MTRF1: variants seen among roughly 807,000 people sequenced by gnomAD.
MTRF1 encodes peptide chain release factor 1, mitochondrial.
MTRF1 carries 51 observed loss-of-function variants against 62.9 expected under a neutral mutation model. The ratio of observed to expected loss-of-function variants is 0.81; its 90% CI spans 0.65 to 1.02. MTRF1 has a LOEUF of 1.02. Ranked by LOEUF, MTRF1 falls within the 50% of genes least tolerant of loss-of-function variation. MTRF1 has a pLI of 0.00. For missense variants in MTRF1, 446 were observed against 530.0 expected (o/e 0.84, Z 1.56); for synonymous variants, 158 against 181.9 (o/e 0.87, Z 1.06).
chr13:41,289,593 C>T, the MTRF1 span, among the ~76,000 whole-genome samples: 3 of 152,196 alleles, frequency 2.0e-5, no homozygotes, highest in Non-Finnish European at 4.4e-5. Flanking sequence ...GGACCGAGAA[C>T]AAGCTCCAAA....
At chr13:41,276,440 G>A in the MTRF1 span, among the ~76,000 whole-genome samples, 1 of 152,124 alleles carries the variant, frequency 6.6e-6, no homozygotes, top group African/African-American at 2.4e-5. Context: ...CTAAAGTGCT[G>A]GGATTAGAGG....
chr13:41,229,927 T>G (rs1175168641), intron 7 of MTRF1, among the ~76,000 whole-genome samples: 1 of 151,962 alleles, frequency 6.6e-6, no homozygotes, highest in Non-Finnish European at 1.5e-5. Flanking sequence ...ATGGTGAAAC[T>G]ACGTCTCTAC....
chr13:41,260,635 T>C lies in MTRF1; in HGVS notation c.273A>G (p.Gln91=), dbSNP rs749429342. The stretch of plus-strand genomic sequence containing the variant: ...CATTCACAGGGATATGCTGCAGACA[T>C]TGCTCAAGTGTTTGGTACTCCTTAC... ...NLSKEYQTLE[Q]CLQHIPVNEE... The change falls in exon 2 of 10, where the codon CAA becomes CAG. Residue 91 remains glutamine (Q), a synonymous_variant. Coordinates refer to ENST00000379480, the MANE Select transcript of MTRF1 (RefSeq NM_004294.4). 1.2e-6 allele frequency: 2 copies of C among 1,614,072 alleles called. No homozygotes were observed. Among genetic ancestry groups the C allele is most frequent in the African/African-American group, 1.3e-5 (1 of 74,938 alleles).
intron 7 of MTRF1, among the ~76,000 whole-genome samples, chr13:41,227,557 G>T (rs766848285): frequency 6.6e-6 from 1 of 152,102 alleles, no homozygotes; most frequent in Admixed American, 6.6e-5. Context: ...GCTCTGAAAC[G>T]ATCACTTCTT....
the MTRF1 span, among the ~76,000 whole-genome samples, chr13:41,281,613 G>T: frequency 1.3e-5 from 2 of 152,098 alleles, no homozygotes; most frequent in Non-Finnish European, 2.9e-5. Flanking sequence ...GGCATTATGT[G>T]CCTGAGAGGG....
chr13:41,266,994 C>T (rs1263358156), upstream of MTRF1, among the ~76,000 whole-genome samples: 10 of 65,496 alleles, frequency 1.5e-4, no homozygotes, highest in Admixed American at 1.8e-3. Flanking sequence ...GAGACTCTGT[C>T]TCAAAAAAAA....
At chr13:41,253,296 A>C (rs1356122971) in intron 3 of MTRF1, among the ~76,000 whole-genome samples, 2 of 152,212 alleles carry the variant, frequency 1.3e-5, no homozygotes, top group African/African-American at 4.8e-5. Flanking sequence ...AGAAGTTCAG[A>C]TCAAAGTCCA....
chr13:41,249,787 T>C (rs1361427961), intron 5 of MTRF1, among the ~76,000 whole-genome samples: 1 of 151,632 alleles, frequency 6.6e-6, no homozygotes, highest in East Asian at 1.9e-4. Flanking sequence ...CTGCCACGCC[T>C]GGCCAATTTT....
chr13:41,255,585 G>A lies in MTRF1; in HGVS notation c.416-965C>T, dbSNP rs913054023. Among the ~76,000 whole-genome samples, 5 of 152,108 alleles carry A rather than the reference G, an allele frequency of 3.3e-5. No individual in the cohort carries two copies. In the East Asian group the frequency reaches 9.6e-4, roughly 29 times the overall value. On this transcript the variant is annotated intron_variant, in intron 2 of 9. Coordinates refer to ENST00000379480, the MANE Select transcript of MTRF1 (RefSeq NM_004294.4). ...TGCACGCGTGTACCCCTAGCTACTC[G>A]GGAGGCTGAGGCAGGAGAATTGCTT... is the stretch of plus-strand genomic sequence containing the variant.
At chr13:41,291,469 C>A in the MTRF1 span, among the ~76,000 whole-genome samples, 1 of 152,152 alleles carries the variant, frequency 6.6e-6, no homozygotes, top group Non-Finnish European at 1.5e-5. Flanking sequence ...AGCTGCCGCA[C>A]CTGGTCAGCC....
the MTRF1 span, among the ~76,000 whole-genome samples, chr13:41,292,390 C>T: frequency 6.6e-6 from 1 of 151,908 alleles, no homozygotes; most frequent in Non-Finnish European, 1.5e-5. Flanking sequence ...CGAGACCATC[C>T]TGGCTAATAC....
chr13:41,311,058 C>T, the MTRF1 span: 49 of 193,416 alleles, frequency 2.5e-4, no homozygotes, highest in African/African-American at 1.1e-3. Flanking sequence ...GGTGGTGACT[C>T]ACCACCCCAT....
At chr13:41,253,074 A>G (rs992802184) in intron 3 of MTRF1, 44 bp from the exon 4 acceptor site, 2 of 1,399,430 alleles carry the variant, frequency 1.4e-6, no homozygotes, top group East Asian at 4.6e-5. Flanking sequence ...TCCCCGGTAC[A>G]CTATTACTGA....
At chr13:41,293,198 A>C in the MTRF1 span, among the ~76,000 whole-genome samples, 1 of 152,250 alleles carries the variant, frequency 6.6e-6, no homozygotes, top group South Asian at 2.1e-4. Flanking sequence ...ACATATATAC[A>C]TGTATTATAT....
the MTRF1 span, among the ~76,000 whole-genome samples, chr13:41,268,823 A>T: frequency 6.6e-6 from 1 of 152,116 alleles, no homozygotes; most frequent in Non-Finnish European, 1.5e-5. Context: ...TTATTGTTCT[A>T]ATTATTTAGT....
chr13:41,293,108 T>C, the MTRF1 span, among the ~76,000 whole-genome samples: 1 of 152,184 alleles, frequency 6.6e-6, no homozygotes, highest in Non-Finnish European at 1.5e-5. Flanking sequence ...GAGTTTTTAT[T>C]ACTATCTCAT....
At chr13:41,299,198 G>C in the MTRF1 span, among the ~76,000 whole-genome samples, 1 of 138,508 alleles carries the variant, frequency 7.2e-6, no homozygotes, top group Non-Finnish European at 1.6e-5. Flanking sequence ...ATCTAAAAAA[G>C]AAAAAAAAAA....
At chr13:41,229,624 GT>G (rs1455087744) in intron 7 of MTRF1, 2 of 152,126 alleles carry the variant, frequency 1.3e-5, no homozygotes, top group Non-Finnish European at 2.9e-5. Context: ...GTTTGTCAGA[GT>G]TTTGATCACC....
intron 2 of MTRF1, among the ~76,000 whole-genome samples, chr13:41,259,721 A>AC (rs2040210604): frequency 6.7e-6 from 1 of 149,482 alleles, no homozygotes; most frequent in Non-Finnish European, 1.5e-5. Flanking sequence ...AAAAAAAAAA[A>AC]CATAAAAATA....
Sources: gnomAD v4.1 joint callset for allele counts (sites outside exome capture counted in the v4.1 genomes callset) on GRCh38, gnomAD v4.1.1 for gene constraint, MANE v1.5 for transcripts, NCBI Gene and HGNC (gene_info 2026-07-23, HGNC 2026-07-21) for gene names.